GPC6: variants seen among roughly 807,000 people sequenced by gnomAD.
The protein encoded by GPC6 is glypican-6.
In GPC6, 14 loss-of-function variants were observed where a neutral mutation model predicts 55.2. The ratio of observed to expected loss-of-function variants is 0.25; its 90% CI spans 0.17 to 0.40. The LOEUF (loss-of-function observed/expected upper bound fraction) is 0.40, where lower values mean the gene tolerates loss of function less well. GPC6 is among the 10% of genes least tolerant of loss of function. GPC6 has a pLI of 1.00. For synonymous variants in GPC6, 278 were observed against 259.6 expected (o/e 1.07, Z -0.68); for missense variants, 641 against 708.5 (o/e 0.90, Z 1.08).
chr13:93,220,614 A>G, the GPC6 span, among the ~76,000 whole-genome samples: 1 of 152,218 alleles, frequency 6.6e-6, no homozygotes, highest in Non-Finnish European at 1.5e-5. Context: ...ATCTATTAAT[A>G]TTGTGAGCCT....
intron 4 of GPC6, among the ~76,000 whole-genome samples, chr13:94,180,870 GAC>G (rs946188476): frequency 9.0e-5 from 13 of 144,908 alleles, no homozygotes; most frequent in East Asian, 4.1e-4. Flanking sequence ...GTATAAGAGA[GAC>G]ACACACAGAG....
intron 3 of GPC6, among the ~76,000 whole-genome samples, chr13:93,990,077 A>G (rs1236449732): frequency 6.6e-6 from 1 of 151,884 alleles, no homozygotes; most frequent in Non-Finnish European, 1.5e-5. Flanking sequence ...TTTTTGGTTT[A>G]AAATATATAA....
At chr13:94,176,041 C>T (rs945163023) in intron 4 of GPC6, among the ~76,000 whole-genome samples, 2 of 148,566 alleles carry the variant, frequency 1.3e-5, no homozygotes, top group African/African-American at 4.9e-5. Context: ...TTTAAATGAG[C>T]TATTCATTTT....
At chr13:94,132,772 G>A (rs1299462888) in intron 4 of GPC6, among the ~76,000 whole-genome samples, 1 of 152,074 alleles carries the variant, frequency 6.6e-6, no homozygotes, top group Non-Finnish European at 1.5e-5. Context: ...ATTAGATCAC[G>A]GTCACGGAGT....
chr13:93,308,233 C>A (rs147482102), intron 1 of GPC6, among the ~76,000 whole-genome samples: 1 of 151,984 alleles, frequency 6.6e-6, no homozygotes, highest in African/African-American at 2.4e-5. Flanking sequence ...TGCAGTGAGC[C>A]GAGATTGCGC....
At chr13:94,290,429 T>TAAAAAAAAAAAAAAA (rs532958421) in intron 5 of GPC6, among the ~76,000 whole-genome samples, 12 of 98,998 alleles carry the variant, frequency 1.2e-4, no homozygotes, top group East Asian at 5.7e-4. Flanking sequence ...TCTAGAAAGG[T>TAAAAAAAAAAAAAAA]AAAAAAAAAA....
At chr13:93,416,801 C>G (rs915708872) in intron 1 of GPC6, among the ~76,000 whole-genome samples, 3 of 151,954 alleles carry the variant, frequency 2.0e-5, no homozygotes, top group Non-Finnish European at 4.4e-5. Context: ...ACAGGGCAAC[C>G]CCCCTGTTAT....
At chr13:94,006,427 C>T (rs1368871112) in intron 3 of GPC6, among the ~76,000 whole-genome samples, 2 of 152,202 alleles carry the variant, frequency 1.3e-5, no homozygotes, top group Non-Finnish European at 2.9e-5. Context: ...TTCAGGAAAG[C>T]AGATGCGCTC....
At chr13:93,446,138 AT>A (rs1049694394) in intron 1 of GPC6, among the ~76,000 whole-genome samples, 2 of 152,192 alleles carry the variant, frequency 1.3e-5, no homozygotes, top group Non-Finnish European at 2.9e-5. Context: ...TTGTACATAT[AT>A]TTTTTAAACT....
intron 1 of GPC6, among the ~76,000 whole-genome samples, chr13:93,345,020 T>C (rs1285902533): frequency 1.3e-5 from 2 of 152,196 alleles, no homozygotes; most frequent in Non-Finnish European, 2.9e-5. Context: ...TAAAAATGTG[T>C]ATGAAATATT....
At chr13:93,604,051 A>C (rs145178723) in intron 2 of GPC6, among the ~76,000 whole-genome samples, 3 of 152,248 alleles carry the variant, frequency 2.0e-5, no homozygotes, top group African/African-American at 4.8e-5. Flanking sequence ...TTTAATGCCA[A>C]TCCCTTCCAA....
chr13:94,267,259 T>C (rs1891846889), intron 4 of GPC6, among the ~76,000 whole-genome samples: 1 of 152,092 alleles, frequency 6.6e-6, no homozygotes, highest in South Asian at 2.1e-4. Flanking sequence ...TCTGAGACAC[T>C]GGGTTTGGTT....
chr13:93,352,655 G>C (rs746397996), intron 1 of GPC6, among the ~76,000 whole-genome samples: 3 of 152,110 alleles, frequency 2.0e-5, no homozygotes, highest in Non-Finnish European at 4.4e-5. Context: ...TTGGAGGGAG[G>C]AGTGGGGAGT....
intron 1 of GPC6, among the ~76,000 whole-genome samples, chr13:93,373,941 G>A (rs1430239610): frequency 2.0e-5 from 3 of 152,156 alleles, no homozygotes; most frequent in African/African-American, 7.2e-5. Flanking sequence ...ATTACTGAGT[G>A]CCTCAAATGT....
chr13:93,856,332 CA>C (rs1888609728), intron 3 of GPC6, among the ~76,000 whole-genome samples: 1 of 151,500 alleles, frequency 6.6e-6, no homozygotes, highest in Admixed American at 6.6e-5. Flanking sequence ...GCAGGATGTC[CA>C]AAGAATGTTT....
intron 4 of GPC6, among the ~76,000 whole-genome samples, chr13:94,212,844 G>T (rs901990706): frequency 6.6e-6 from 1 of 152,120 alleles, no homozygotes; most frequent in Admixed American, 6.6e-5. Context: ...GCACAGATAC[G>T]TTAACTATTA....
At chr13:94,287,139 A>C (rs1892554840) in intron 5 of GPC6, among the ~76,000 whole-genome samples, 1 of 151,872 alleles carries the variant, frequency 6.6e-6, no homozygotes. Flanking sequence ...CGCCTTAAGC[A>C]AAATTGAGAA....
At chr13:93,293,393 A>G (rs1015100515) in intron 1 of GPC6, among the ~76,000 whole-genome samples, 2 of 152,138 alleles carry the variant, frequency 1.3e-5, no homozygotes, top group African/African-American at 4.8e-5. Context: ...AATTAATCTG[A>G]TATCTGTTTT....
At chr13:94,185,424 A>C (rs1049611358) in intron 4 of GPC6, among the ~76,000 whole-genome samples, 3 of 152,078 alleles carry the variant, frequency 2.0e-5, no homozygotes, top group Admixed American at 6.5e-5. Flanking sequence ...CAAACTTTTC[A>C]ATCAGGTAAC....
Sources: gnomAD v4.1 joint callset for allele counts (sites outside exome capture counted in the v4.1 genomes callset) on GRCh38, gnomAD v4.1.1 for gene constraint, MANE v1.5 for transcripts, NCBI Gene and HGNC (gene_info 2026-07-23, HGNC 2026-07-21) for gene names.